MTCL2: variants seen among roughly 807,000 people sequenced by gnomAD.
The protein encoded by MTCL2 is microtubule crosslinking factor 2.
the MTCL2 span, chr20:36,808,496 C>A: frequency 1.3e-6 from 2 of 1,570,240 alleles, no homozygotes; most frequent in South Asian, 2.3e-5. Context: ...CAGTCCCAGT[C>A]CCTGGCCCAA....
chr20:36,797,029 G>A, the MTCL2 span: 24 of 1,273,048 alleles, frequency 1.9e-5, no homozygotes, highest in Middle Eastern at 1.8e-4. Flanking sequence ...GACCAGCCCC[G>A]ACCTCAGTGC....
At chr20:36,788,108 G>A in the MTCL2 span, among the ~76,000 whole-genome samples, 917 of 150,308 alleles carry the variant, frequency 6.1e-3, 10 homozygotes, top group African/African-American at 0.021. Context: ...GACCGAAGCA[G>A]CAGAACGGCT....
At chr20:36,810,950 A>G in the MTCL2 span, among the ~76,000 whole-genome samples, 3 of 152,058 alleles carry the variant, frequency 2.0e-5, no homozygotes, top group Admixed American at 2.0e-4. Context: ...TCGAACTCCT[A>G]GGCTTAAGCA....
At chr20:36,840,763 G>A in the MTCL2 span, among the ~76,000 whole-genome samples, 5 of 151,046 alleles carry the variant, frequency 3.3e-5, no homozygotes, top group East Asian at 6.0e-4. Flanking sequence ...GGAGAATGGC[G>A]TGAACCCAGG....
At chr20:36,824,502 G>A in the MTCL2 span, among the ~76,000 whole-genome samples, 1 of 151,994 alleles carries the variant, frequency 6.6e-6, no homozygotes, top group Non-Finnish European at 1.5e-5. Context: ...GGGGCAAGAG[G>A]GAAAGGGGGA....
chr20:36,784,724 G>A, the MTCL2 span: 1 of 985,412 alleles, frequency 1.0e-6, no homozygotes, highest in East Asian at 1.1e-4. Context: ...CAGCTCACAG[G>A]GGACGTGAGG....
chr20:36,828,790 T>C, the MTCL2 span: 3 of 418,854 alleles, frequency 7.2e-6, no homozygotes, highest in South Asian at 1.2e-4. Flanking sequence ...TGAATGACTC[T>C]CTCTCTCATT....
chr20:36,843,564 G>A, the MTCL2 span, among the ~76,000 whole-genome samples: 5 of 152,108 alleles, frequency 3.3e-5, no homozygotes, highest in Non-Finnish European at 4.4e-5. Flanking sequence ...AAGGATCCAC[G>A]CGCTGTTTCA....
the MTCL2 span, chr20:36,785,207 G>A: frequency 1.0e-6 from 1 of 985,412 alleles, no homozygotes; most frequent in Non-Finnish European, 1.2e-6. Context: ...GCCCTCCAAA[G>A]CTGACCAGGA....
chr20:36,783,646 G>C, the MTCL2 span: 1 of 447,808 alleles, frequency 2.2e-6, no homozygotes, highest in Non-Finnish European at 3.0e-6. Flanking sequence ...GAACGGGTTC[G>C]AGAAGGGCAG....
At chr20:36,823,196 G>A in the MTCL2 span, among the ~76,000 whole-genome samples, 1 of 152,176 alleles carries the variant, frequency 6.6e-6, no homozygotes, top group Non-Finnish European at 1.5e-5. Context: ...ACTTGGGGGA[G>A]AAAACAAAGA....
the MTCL2 span, among the ~76,000 whole-genome samples, chr20:36,841,677 T>C: frequency 7.9e-5 from 12 of 152,130 alleles, no homozygotes; most frequent in East Asian, 2.3e-3. Flanking sequence ...AAGGGCCAAA[T>C]AGAATTTGGG....
At chr20:36,787,450 T>C in the MTCL2 span, among the ~76,000 whole-genome samples, 9 of 152,108 alleles carry the variant, frequency 5.9e-5, no homozygotes. Flanking sequence ...CTCAAACTCC[T>C]GACCTCTAGT....
At chr20:36,780,876 A>G in the MTCL2 span, 1 of 152,180 alleles carries the variant, frequency 6.6e-6, no homozygotes, top group Non-Finnish European at 1.5e-5. Flanking sequence ...CCCTTGATGA[A>G]AGGATACATG....
chr20:36,843,245 A>C, the MTCL2 span, among the ~76,000 whole-genome samples: 7 of 152,208 alleles, frequency 4.6e-5, no homozygotes, highest in Admixed American at 3.3e-4. Context: ...TCAGCCTGGT[A>C]GGATGGCTCC....
At chr20:36,812,733 C>G in the MTCL2 span, 1 of 1,614,038 alleles carries the variant, frequency 6.2e-7, no homozygotes, top group Non-Finnish European at 8.5e-7. Flanking sequence ...TTGTCTTCAG[C>G]TCGGTAAGGC....
chr20:36,835,275 G>A, the MTCL2 span, among the ~76,000 whole-genome samples: 2 of 152,158 alleles, frequency 1.3e-5, no homozygotes, highest in African/African-American at 4.8e-5. Context: ...TCCTGTCAAC[G>A]GTGAGGACCA....
chr20:36,811,717 A>G, the MTCL2 span, among the ~76,000 whole-genome samples: 1 of 151,862 alleles, frequency 6.6e-6, no homozygotes, highest in Non-Finnish European at 1.5e-5. Flanking sequence ...TCTTTTTGCC[A>G]TGGCTTCCAG....
the MTCL2 span, among the ~76,000 whole-genome samples, chr20:36,860,289 C>G: frequency 2.0e-5 from 3 of 152,176 alleles, no homozygotes; most frequent in Non-Finnish European, 4.4e-5. Context: ...CCCTGTGCAC[C>G]CCAGCCCCCA....
Sources: allele counts gnomAD v4.1 joint callset (sites outside exome capture counted in the v4.1 genomes callset), GRCh38; gene constraint gnomAD v4.1.1; transcripts MANE v1.5; gene names NCBI Gene and HGNC (gene_info 2026-07-23, HGNC 2026-07-21).